The following GUCY1A2 variants were observed in gnomAD, a reference collection of about 807,000 sequenced individuals.
The protein encoded by GUCY1A2 is guanylate cyclase 1 soluble subunit alpha 2, also known as guanylate cyclase soluble subunit alpha-2.
In GUCY1A2, 27 loss-of-function variants were observed where a neutral mutation model predicts 63.5. That is an observed-to-expected ratio of 0.43 (90% CI 0.31 to 0.59). The LOEUF is 0.59. Among genes scored for constraint, GUCY1A2 ranks in the 20% least tolerant of loss-of-function variants. The pLI, the probability that GUCY1A2 is intolerant of heterozygous loss-of-function variation, is 0.11. For missense variants in GUCY1A2, 768 were observed against 913.3 expected (o/e 0.84, Z 2.05); for synonymous variants, 364 against 343.5 (o/e 1.06, Z -0.66).
At chr11:106,856,655 T>G (rs2135454343) in intron 4 of GUCY1A2, among the ~76,000 whole-genome samples, 1 of 152,304 alleles carries the variant, frequency 6.6e-6, no homozygotes, top group Middle Eastern at 3.4e-3. Context: ...CAGTCAAAAT[T>G]TCCATTAAGT....
intron 1 of GUCY1A2, among the ~76,000 whole-genome samples, chr11:107,003,144 T>C (rs973747621): frequency 6.6e-6 from 1 of 152,198 alleles, no homozygotes; most frequent in Non-Finnish European, 1.5e-5. Flanking sequence ...TTTTATCAAA[T>C]GTCTTGAGTC....
intron 5 of GUCY1A2, among the ~76,000 whole-genome samples, chr11:106,787,302 C>G (rs1471404110): frequency 6.6e-6 from 1 of 151,526 alleles, no homozygotes; most frequent in Non-Finnish European, 1.5e-5. Flanking sequence ...CCATGACCAC[C>G]CTACTACCAT....
chr11:106,723,905 A>G (rs1273346522), intron 6 of GUCY1A2, among the ~76,000 whole-genome samples: 4 of 112,442 alleles, frequency 3.6e-5, no homozygotes, highest in Admixed American at 2.5e-4. Context: ...TTTGAATTAG[A>G]TATTTGAAAT....
chr11:106,759,666 G>A (rs1158139066), intron 6 of GUCY1A2, among the ~76,000 whole-genome samples: 1 of 152,244 alleles, frequency 6.6e-6, no homozygotes, highest in Non-Finnish European at 1.5e-5. Flanking sequence ...AGGTGTGATG[G>A]CTCATGCCTG....
intron 4 of GUCY1A2, among the ~76,000 whole-genome samples, chr11:106,898,953 A>G (rs1860089129): frequency 6.6e-6 from 1 of 152,216 alleles, no homozygotes; most frequent in Admixed American, 6.5e-5. Context: ...TTGAAGAGAC[A>G]GAAGGTATAT....
chr11:106,684,895 A>G lies in GUCY1A2; in HGVS notation c.*2654T>C, dbSNP rs1260601871. Reference sequence around the variant, plus strand: ...CAAATGCCACCACATTGTTACAATCACAATTCCTAAGAGAAGAGATGTAGA... The same window carrying G: ...CAAATGCCACCACATTGTTACAATCGCAATTCCTAAGAGAAGAGATGTAGA... On this transcript the variant is annotated 3_prime_UTR_variant, in exon 8 of 8. Transcript: ENST00000526355. 4.8e-6 allele frequency: 1 copy of G among 206,824 alleles called. No homozygotes were observed. The highest frequency in any genetic ancestry group is 9.9e-6 in the Non-Finnish European group (1 of 101,368). 12.8% of individuals were successfully genotyped at this position (206,824 alleles called of 1,614,324 possible).
At chr11:106,764,612 ATAAT>A (rs1168415549) in intron 6 of GUCY1A2, among the ~76,000 whole-genome samples, 3 of 152,128 alleles carry the variant, frequency 2.0e-5, no homozygotes, top group East Asian at 1.9e-4. Flanking sequence ...ATACATGTAA[ATAAT>A]TATACAGGTG....
intron 6 of GUCY1A2, among the ~76,000 whole-genome samples, chr11:106,726,281 T>C (rs917895349): frequency 6.6e-6 from 1 of 152,052 alleles, no homozygotes; most frequent in African/African-American, 2.4e-5. Flanking sequence ...CCAGTCATGG[T>C]GGCGGGCACC....
intron 4 of GUCY1A2, among the ~76,000 whole-genome samples, chr11:106,910,638 T>C (rs1450897957): frequency 6.6e-6 from 1 of 151,992 alleles, no homozygotes; most frequent in Non-Finnish European, 1.5e-5. Flanking sequence ...TATGTGACTA[T>C]AAAATGTGAA....
In GUCY1A2 at chr11:106,927,169, C is replaced by A. The variant is rs536508695; in HGVS notation, c.1206+12291G>T. Among the ~76,000 whole-genome samples, 2 of 151,582 alleles carry A rather than the reference C, an allele frequency of 1.3e-5. 1 individual carries two copies. The highest frequency in any genetic ancestry group is 1.3e-4 in the Admixed American group (2 of 15,234). On this transcript the variant is annotated intron_variant, in intron 4 of 7. Transcript: ENST00000526355. ...TGGGTGGATCACACAGTTAGGAGAT[C>A]GAGACCATCCTGGTGAACACGGTGA...
At chr11:106,944,047 A>G (rs1860788101) in intron 3 of GUCY1A2, among the ~76,000 whole-genome samples, 1 of 151,354 alleles carries the variant, frequency 6.6e-6, no homozygotes, top group Admixed American at 6.6e-5. Flanking sequence ...TATCTAGAAA[A>G]AAGTACAAAA....
Position 106,687,546 on chromosome 11 carries a change from G to A in GUCY1A2, c.*3C>T, listed in dbSNP as rs1862548042. 2 of 1,609,044 alleles carry A rather than the reference G, an allele frequency of 1.2e-6. No individual in the cohort carries two copies. The highest frequency in any genetic ancestry group is 1.7e-6 in the Non-Finnish European group (2 of 1,175,398). ...TGGAGGAGTCTTTGATCTGTAGCAG[G>A]TCTCAGAGGCTTGTCTCCCGGAGGA... On this transcript the variant is annotated 3_prime_UTR_variant, in exon 8 of 8. Coordinates refer to ENST00000526355, the MANE Select transcript of GUCY1A2 (RefSeq NM_000855.3).
At position 106,684,919 on chromosome 11, in the gene GUCY1A2, G is replaced by T; in HGVS notation, c.*2630C>A. 4.9e-6 allele frequency: 1 copy of T among 205,672 alleles called. No homozygotes were observed. The highest frequency in any genetic ancestry group is 9.9e-6 in the Non-Finnish European group (1 of 100,594). The allele number at this position is 205,672 out of a possible 1,614,324, so 12.7% of individuals were successfully genotyped here. On this transcript the variant is annotated 3_prime_UTR_variant, in exon 8 of 8. Transcript: ENST00000526355. ...CACAATTCCTAAGAGAAGAGATGTAGATGGCATTGTGTAGGACAAATAAAA... is the reference window on the plus strand; with the variant it reads ...CACAATTCCTAAGAGAAGAGATGTATATGGCATTGTGTAGGACAAATAAAA...
At chr11:106,788,785 C>T (rs113148390) in intron 5 of GUCY1A2, among the ~76,000 whole-genome samples, 26 of 152,166 alleles carry the variant, frequency 1.7e-4, no homozygotes, top group Admixed American at 7.9e-4. Flanking sequence ...GCCAGTACCA[C>T]GTTATTTTGG....
At chr11:106,892,233 G>T (rs1258114418) in intron 4 of GUCY1A2, among the ~76,000 whole-genome samples, 2 of 151,846 alleles carry the variant, frequency 1.3e-5, no homozygotes, top group Non-Finnish European at 2.9e-5. Context: ...CAAATGGTTT[G>T]TTCATAGCAT....
chr11:106,826,882 C>T (rs1858978415), intron 4 of GUCY1A2: 2 of 1,606,152 alleles, frequency 1.2e-6, no homozygotes, highest in Admixed American at 1.7e-5. Flanking sequence ...TTTCAGGCCA[C>T]CATCTTCTCC....
At position 106,679,345 on chromosome 11, in the gene GUCY1A2, T is replaced by C. The variant is rs1432186254; in HGVS notation, c.*8204A>G. ...GTGATTCTCTCTCCAGCTCAAATAC[T>C]CTGGCACATTCTGTAAGAGACAGAT... On this transcript the variant is annotated 3_prime_UTR_variant, in exon 8 of 8. Coordinates refer to ENST00000526355, the MANE Select transcript of GUCY1A2 (RefSeq NM_000855.3). 1 of 192,030 alleles carries C rather than the reference T, an allele frequency of 5.2e-6. No homozygotes were observed. Among genetic ancestry groups the C allele is most frequent in the Non-Finnish European group, 1.1e-5 (1 of 91,982 alleles). The allele number at this position is 192,030 out of a possible 1,614,324, so 11.9% of individuals were successfully genotyped here.
rs1222565758 is a variant in GUCY1A2, at chr11:106,680,655, A to G, written c.*6894T>C. 5.0e-6 allele frequency: 1 copy of G among 200,652 alleles called. No individual in the cohort carries two copies. The highest frequency in any genetic ancestry group is 1.0e-5 in the Non-Finnish European group (1 of 97,362). The allele number at this position is 200,652 out of a possible 1,614,324, so 12.4% of individuals were successfully genotyped here. A position where few individuals can be genotyped will look rare whatever the true frequency, so the allele number is the denominator to read the frequency against. On this transcript the variant is annotated 3_prime_UTR_variant, in exon 8 of 8. Coordinates refer to ENST00000526355, the MANE Select transcript of GUCY1A2 (RefSeq NM_000855.3). ...GGATTTAAGGATCCAGTGATATACAAGAGGATAATTGTCAAAGCCTCAGTA... is the reference window on the plus strand; with the variant it reads ...GGATTTAAGGATCCAGTGATATACAGGAGGATAATTGTCAAAGCCTCAGTA...
intron 4 of GUCY1A2, among the ~76,000 whole-genome samples, chr11:106,918,813 A>G (rs1860402010): frequency 6.6e-6 from 1 of 151,930 alleles, no homozygotes; most frequent in African/African-American, 2.4e-5. Flanking sequence ...ACTCAAGTGT[A>G]CAATGTACCT....
Sources: allele counts gnomAD v4.1 joint callset (sites outside exome capture counted in the v4.1 genomes callset), GRCh38; gene constraint gnomAD v4.1.1; transcripts MANE v1.5; gene names NCBI Gene and HGNC (gene_info 2026-07-23, HGNC 2026-07-21).